LRMDA: variants seen among roughly 807,000 people sequenced by gnomAD.
LRMDA encodes the protein leucine-rich melanocyte differentiation-associated protein.
In LRMDA, 18 loss-of-function variants were observed where a neutral mutation model predicts 29.8. The ratio of observed to expected loss-of-function variants is 0.60; its 90% CI spans 0.42 to 0.90. LRMDA has a LOEUF of 0.90. LRMDA is among the 40% of genes least tolerant of loss of function. The pLI is 0.00. For missense variants in LRMDA, 273 were observed against 273.9 expected (o/e 1.00, Z 0.02); for synonymous variants, 125 against 109.4 (o/e 1.14, Z -0.89).
At chr10:76,151,531 A>T (rs1042918859) in intron 5 of LRMDA, among the ~76,000 whole-genome samples, 2 of 152,202 alleles carry the variant, frequency 1.3e-5, no homozygotes, top group Admixed American at 1.3e-4. Context: ...CGCCTGGCAC[A>T]TATCAGGGGC....
chr10:75,984,989 G>C (rs534575469), intron 2 of LRMDA, among the ~76,000 whole-genome samples: 13 of 152,282 alleles, frequency 8.5e-5, no homozygotes, highest in African/African-American at 2.6e-4. Context: ...CAGCAGCCTA[G>C]GTACATAGGC....
chr10:76,545,153 AG>A (rs1206275987), intron 6 of LRMDA, among the ~76,000 whole-genome samples: 1 of 143,328 alleles, frequency 7.0e-6, no homozygotes, highest in Non-Finnish European at 1.5e-5. Context: ...TTTATTTGAA[AG>A]GTTTCTTTTT....
intron 2 of LRMDA, among the ~76,000 whole-genome samples, chr10:75,682,212 G>T (rs1842031229): frequency 6.6e-6 from 1 of 152,198 alleles, no homozygotes; most frequent in Non-Finnish European, 1.5e-5. Flanking sequence ...AACTGTGAAC[G>T]CTTTGAGAGC....
intron 2 of LRMDA, among the ~76,000 whole-genome samples, chr10:75,481,175 G>T (rs1450131956): frequency 6.6e-6 from 1 of 152,116 alleles, no homozygotes; most frequent in African/African-American, 2.4e-5. Flanking sequence ...GAGGTTTTGA[G>T]GGCATGGGAG....
chr10:75,737,642 A>G (rs1003048819), intron 2 of LRMDA, among the ~76,000 whole-genome samples: 5 of 152,222 alleles, frequency 3.3e-5, no homozygotes, highest in South Asian at 2.1e-4. Flanking sequence ...AATACACCAC[A>G]TGAAACAATT....
intron 2 of LRMDA, among the ~76,000 whole-genome samples, chr10:75,795,191 C>T (rs1049361491): frequency 2.6e-5 from 4 of 152,046 alleles, no homozygotes; most frequent in Middle Eastern, 6.8e-3. Flanking sequence ...GTCAGGAGTT[C>T]GAGACCAGCC....
intron 2 of LRMDA, among the ~76,000 whole-genome samples, chr10:75,691,346 G>A (rs1213171454): frequency 6.6e-6 from 1 of 151,254 alleles, no homozygotes; most frequent in Admixed American, 6.6e-5. Flanking sequence ...GGCACTGAGT[G>A]GCTAACTAAT....
chr10:75,729,393 C>T (rs1053734354), intron 2 of LRMDA, among the ~76,000 whole-genome samples: 17 of 152,212 alleles, frequency 1.1e-4, no homozygotes, highest in African/African-American at 2.9e-4. Flanking sequence ...CATCCTTCAT[C>T]GTCCTCTCAG....
intron 6 of LRMDA, among the ~76,000 whole-genome samples, chr10:76,501,994 C>G (rs1842914691): frequency 6.6e-6 from 1 of 151,830 alleles, no homozygotes. Flanking sequence ...AGTGTGAGGT[C>G]TTACATTTAA....
chr10:76,072,896 G>A (rs1411622167), intron 5 of LRMDA, among the ~76,000 whole-genome samples: 7 of 152,352 alleles, frequency 4.6e-5, no homozygotes, highest in African/African-American at 1.7e-4. Context: ...TTTCTGTGGA[G>A]TAGTCTTGAA....
chr10:76,297,595 C>A (rs914887891), intron 5 of LRMDA, among the ~76,000 whole-genome samples: 1 of 152,128 alleles, frequency 6.6e-6, no homozygotes, highest in Non-Finnish European at 1.5e-5. Flanking sequence ...TCGTTCTGTT[C>A]GACTCTGGTT....
At chr10:76,097,489 C>T (rs1849331151) in intron 5 of LRMDA, among the ~76,000 whole-genome samples, 1 of 152,142 alleles carries the variant, frequency 6.6e-6, no homozygotes, top group South Asian at 2.1e-4. Flanking sequence ...ATATCTTTGC[C>T]TTAATCCCAG....
At chr10:76,400,169 GCAGAGGGTGGCCTCTGGCCAA>G (rs1841833720) in intron 6 of LRMDA, among the ~76,000 whole-genome samples, 1 of 152,200 alleles carries the variant, frequency 6.6e-6, no homozygotes, top group African/African-American at 2.4e-5. Flanking sequence ...CACGGCAGCA[GCAGAGGGTGGCCTCTGGCCAA>G]CAGCCAGTAA....
At chr10:76,324,779 C>A (rs1361415581) in intron 6 of LRMDA, among the ~76,000 whole-genome samples, 1 of 151,832 alleles carries the variant, frequency 6.6e-6, no homozygotes. Context: ...GATGTTAACT[C>A]CAGTATTAGT....
chr10:76,356,873 T>C (rs1366037148), intron 6 of LRMDA, among the ~76,000 whole-genome samples: 4 of 152,178 alleles, frequency 2.6e-5, no homozygotes, highest in Non-Finnish European at 5.9e-5. Context: ...CATAATTTCA[T>C]GGAGGAGTTG....
intron 2 of LRMDA, among the ~76,000 whole-genome samples, chr10:75,563,696 A>C (rs1017343760): frequency 5.3e-5 from 8 of 151,976 alleles, no homozygotes; most frequent in Admixed American, 2.6e-4. Flanking sequence ...GGTGATGTAC[A>C]GATGGATTTT....
At chr10:76,233,200 C>T (rs376843613) in intron 5 of LRMDA, among the ~76,000 whole-genome samples, 9 of 152,050 alleles carry the variant, frequency 5.9e-5, no homozygotes, top group African/African-American at 2.2e-4. Context: ...ACAAAAATTG[C>T]AATAAAGCAA....
chr10:75,468,176 G>A (rs1198802418), intron 2 of LRMDA, among the ~76,000 whole-genome samples: 6 of 152,164 alleles, frequency 3.9e-5, no homozygotes, highest in Admixed American at 1.3e-4. Context: ...AGAGGTTGGG[G>A]CATTGATAAT....
At chr10:75,753,366 A>G (rs767421920) in intron 2 of LRMDA, among the ~76,000 whole-genome samples, 18 of 152,194 alleles carry the variant, frequency 1.2e-4, no homozygotes, top group Admixed American at 3.3e-4. Flanking sequence ...ACAATTTCCT[A>G]TGGTTCTAAT....
Sources: allele counts gnomAD v4.1 joint callset (sites outside exome capture counted in the v4.1 genomes callset), GRCh38; gene constraint gnomAD v4.1.1; transcripts MANE v1.5; gene names NCBI Gene and HGNC (gene_info 2026-07-23, HGNC 2026-07-21).